Variants in FAM184A observed in about 807,000 individuals in gnomAD.
FAM184A encodes protein FAM184A.
FAM184A carries 99 observed loss-of-function variants against 143.8 expected under a neutral mutation model. The ratio of observed to expected loss-of-function variants is 0.69; its 90% confidence interval spans 0.58 to 0.81. The LOEUF is 0.81. FAM184A is among the 40% of genes least tolerant of loss of function. FAM184A has a pLI of 0.00. For synonymous variants in FAM184A, 427 were observed against 446.4 expected (o/e 0.96, Z 0.55); for missense variants, 1,217 against 1,310.5 (o/e 0.93, Z 1.10).
rs772730896 is a variant in FAM184A, at chr6:119,024,495, C to T, written c.478G>A (p.Glu160Lys). 6.2e-7 allele frequency: 1 copy of T among 1,613,620 alleles called. No individual in the cohort carries two copies. Among genetic ancestry groups the T allele is most frequent in the South Asian group, 1.1e-5 (1 of 91,018 alleles). Residue 160 changes from glutamate to lysine, a missense_variant, in exon 2 of 18, where the codon GAG (glutamate) becomes AAG (lysine). Coordinates refer to ENST00000338891, the MANE Select transcript of FAM184A (RefSeq NM_024581.6). ...TTTTCTTCAAATTTCCTTCTAATCT[C>T]TTCGACTTCTCTAGACATGGTCACT... ...RIVTMSREVE[E>K]IRRKFEEKLR...
In FAM184A at chr6:119,023,005, C is replaced by A. The variant is rs1372173307; in HGVS notation, c.1090G>T (p.Glu364Ter). The A allele has an allele frequency of 1.2e-6, 2 of 1,614,076 alleles. No homozygotes were observed. Among genetic ancestry groups the A allele is most frequent in the Non-Finnish European group, 1.7e-6 (2 of 1,180,036 alleles). ...LLSKHKEVES[E>*]LAAARERLQQ... is the part of the protein sequence containing the mutation. ...AAACGTTCTCTGGCAGCTGCTAGCTCACTTTCCACTTCTTTGTGCTTGCTT... is the reference window on the plus strand; with the variant it reads ...AAACGTTCTCTGGCAGCTGCTAGCTAACTTTCCACTTCTTTGTGCTTGCTT... Residue 364 changes from glutamate (E) to a stop codon, truncating the protein, a stop_gained, in exon 3 of 18, where the codon GAG (glutamate) becomes TAG (stop). Transcript: ENST00000338891. LOFTEE classifies it high-confidence loss of function.
intron 9 of FAM184A, among the ~76,000 whole-genome samples, chr6:118,999,109 T>C (rs570523731): frequency 2.5e-4 from 38 of 152,252 alleles, no homozygotes; most frequent in African/African-American, 8.7e-4. Context: ...GAACTAGTTG[T>C]CTGGTGTACA....
At chr6:119,137,616 A>G (rs896608073) in intron 1 of FAM184A, among the ~76,000 whole-genome samples, 1 of 152,206 alleles carries the variant, frequency 6.6e-6, no homozygotes, top group Non-Finnish European at 1.5e-5. Context: ...TTGCTAACTC[A>G]TTTTTGATAA....
intron 1 of FAM184A, among the ~76,000 whole-genome samples, chr6:119,088,863 T>C (rs1788295299): frequency 6.6e-6 from 1 of 152,196 alleles, no homozygotes; most frequent in African/African-American, 2.4e-5. Context: ...ATTTTCTAAA[T>C]GACAACTCTT....
intron 14 of FAM184A, among the ~76,000 whole-genome samples, chr6:118,973,214 G>A (rs767469115): frequency 1.3e-5 from 2 of 152,192 alleles, no homozygotes; most frequent in African/African-American, 2.4e-5. Flanking sequence ...GTTTTCTGCT[G>A]TGGCTTAAGT....
intron 4 of FAM184A, among the ~76,000 whole-genome samples, chr6:119,017,672 G>A (rs187423791): frequency 6.6e-6 from 1 of 152,258 alleles, no homozygotes; most frequent in Non-Finnish European, 1.5e-5. Context: ...TGGCAATATA[G>A]TTTTATAAGT....
intron 1 of FAM184A, among the ~76,000 whole-genome samples, chr6:119,065,703 GTTTCTCAAATCTCCTCCTCAGATCTGAGA>G (rs1046923036): frequency 2.0e-5 from 3 of 150,746 alleles, no homozygotes; most frequent in Non-Finnish European, 2.9e-5. Flanking sequence ...TCTCCAAAAT[GTTTCTCAAATCTCCTCCTCAGATCTGAGA>G]TTTCTCAAAT....
chr6:119,121,414 G>A (rs1389780632), intron 1 of FAM184A, among the ~76,000 whole-genome samples: 1 of 152,166 alleles, frequency 6.6e-6, no homozygotes, highest in Admixed American at 6.5e-5. Flanking sequence ...TGGGATTATA[G>A]GCGTGAGCCA....
chr6:119,122,529 C>CATACATAT (rs1471060676), intron 1 of FAM184A, among the ~76,000 whole-genome samples: 11 of 152,092 alleles, frequency 7.2e-5, no homozygotes, highest in Non-Finnish European at 1.2e-4. Flanking sequence ...AGAGGTCAAA[C>CATACATAT]ATACATATTC....
At chr6:119,128,111 A>G (rs1192172582) in intron 1 of FAM184A, among the ~76,000 whole-genome samples, 85 of 152,260 alleles carry the variant, frequency 5.6e-4, no homozygotes, top group African/African-American at 2.0e-3. Context: ...CATTAACATT[A>G]AAACAGAGAT....
intron 1 of FAM184A, among the ~76,000 whole-genome samples, chr6:119,091,100 T>C (rs1788352411): frequency 6.6e-6 from 1 of 152,206 alleles, no homozygotes; most frequent in Non-Finnish European, 1.5e-5. Flanking sequence ...TAGCTACAGG[T>C]CCTGTGAGAT....
chr6:119,039,056 A>G (rs926668424), intron 1 of FAM184A, among the ~76,000 whole-genome samples: 2 of 152,262 alleles, frequency 1.3e-5, no homozygotes, highest in African/African-American at 2.4e-5. Flanking sequence ...GTATATGAAA[A>G]TATGCTTAAC....
rs114413479 is a variant in FAM184A at position 119,078,324 on chromosome 6, C to A, written c.-25G>T. ...TCTTCCCAACAGACCCCAGCCGGGG[C>A]ACCTGTCCCCGCGGGTGGAGGCAGG... is the stretch of plus-strand genomic sequence containing the variant. On this transcript the variant is annotated 5_prime_UTR_variant, in exon 1 of 18. Transcript: ENST00000338891. The surrounding 1 kb of genome is among the most constrained non-coding windows in gnomAD (Gnocchi z 5.5). 6,315 of 1,426,002 alleles carry A rather than the reference C, an allele frequency of 4.4e-3. 26 individuals are homozygous for A. Among genetic ancestry groups the A allele is most frequent in the Non-Finnish European group, 5.4e-3 (5,928 of 1,094,478 alleles). The allele number at this position is 1,426,002 out of a possible 1,614,324, so 88.3% of individuals were successfully genotyped here. A position where few individuals can be genotyped will look rare whatever the true frequency, so the allele number is the denominator to read the frequency against.
chr6:118,989,006 G>A (rs1259392584), intron 9 of FAM184A, among the ~76,000 whole-genome samples: 1 of 130,086 alleles, frequency 7.7e-6, no homozygotes, highest in African/African-American at 3.0e-5. Context: ...CTGTTACCCA[G>A]GCTAGAGTGC....
chr6:119,060,282 T>C (rs1270403485), intron 1 of FAM184A, among the ~76,000 whole-genome samples: 1 of 152,214 alleles, frequency 6.6e-6, no homozygotes, highest in East Asian at 1.9e-4. Flanking sequence ...GGGATACTGT[T>C]TTCTTGCTGG....
intron 1 of FAM184A, among the ~76,000 whole-genome samples, chr6:119,139,408 C>A (rs1211331190): frequency 1.3e-5 from 2 of 152,152 alleles, no homozygotes; most frequent in Non-Finnish European, 2.9e-5. Flanking sequence ...AATATTCCAG[C>A]CAGTATCTGG....
chr6:119,107,242 C>T (rs1202246152), intron 1 of FAM184A, among the ~76,000 whole-genome samples: 1 of 151,940 alleles, frequency 6.6e-6, no homozygotes, highest in African/African-American at 2.4e-5. Flanking sequence ...TCATGGGATT[C>T]TTAAGTTTTA....
At chr6:119,034,155 T>C (rs1164984945) in intron 1 of FAM184A, among the ~76,000 whole-genome samples, 1 of 145,084 alleles carries the variant, frequency 6.9e-6, no homozygotes, top group African/African-American at 2.6e-5. Context: ...AATGAGGAGA[T>C]CATAAACGAA....
intron 5 of FAM184A, among the ~76,000 whole-genome samples, chr6:119,012,400 C>T (rs117104064): frequency 6.6e-6 from 1 of 152,158 alleles, no homozygotes. Flanking sequence ...AGGAAAAAGA[C>T]ACATGGGGTG....
Sources: allele counts gnomAD v4.1 joint callset (sites outside exome capture counted in the v4.1 genomes callset), GRCh38; gene constraint gnomAD v4.1.1; non-coding constraint Gnocchi (gnomAD v3.1); transcripts MANE v1.5; gene names NCBI Gene and HGNC (gene_info 2026-07-23, HGNC 2026-07-21).